Variants in SLC25A22 observed in about 807,000 individuals in gnomAD.
SLC25A22 encodes solute carrier family 25 member 22.
Under a neutral mutation model 33.7 loss-of-function variants are expected in SLC25A22, and 23 were observed. The ratio of observed to expected loss-of-function variants is 0.68; its 90% confidence interval spans 0.49 to 0.97. SLC25A22 has a LOEUF of 0.97. SLC25A22 is among the 50% of genes least tolerant of loss of function. The pLI, the probability that SLC25A22 is intolerant of heterozygous loss-of-function variation, is 0.00. For missense variants in SLC25A22, 390 were observed against 451.1 expected, an observed-to-expected ratio of 0.86 and a Z score of 1.23; for synonymous variants, 245 against 203.8, an observed-to-expected ratio of 1.20 and a Z score of -1.72.
At chr11:795,338 A>T in intron 1 of SLC25A22, 169 bp from the exon 2 acceptor site, 1 of 375,200 alleles carries the variant, frequency 2.7e-6, no homozygotes, top group Non-Finnish European at 4.7e-6. Context: ...TCCCATGCTC[A>T]CCCCTGGGAC....
At chr11:794,964 C>A in intron 2 of SLC25A22, 23 bp downstream of exon 2, 1 of 1,561,780 alleles carries the variant, frequency 6.4e-7, no homozygotes, top group South Asian at 1.2e-5. Flanking sequence ...GGGTGAGGCA[C>A]GCAGCCAGGA....
intron 1 of SLC25A22, chr11:797,511 A>G (rs1315943174): frequency 1.0e-5 from 4 of 397,498 alleles, no homozygotes; most frequent in Non-Finnish European, 1.8e-5. Context: ...CAAGCCAGGG[A>G]GACAGCAGGA....
chr11:797,341 T>G (rs1300577901), intron 1 of SLC25A22, among the ~76,000 whole-genome samples: 1 of 152,154 alleles, frequency 6.6e-6, no homozygotes, highest in Non-Finnish European at 1.5e-5. Flanking sequence ...CGCCTTTCTC[T>G]GCCCTCACTC....
Position 791,571 on chromosome 11 carries a change from A to C in SLC25A22, c.*344T>G. On this transcript the variant is annotated 3_prime_UTR_variant, in exon 10 of 10. Coordinates refer to ENST00000628067, the MANE Select transcript of SLC25A22 (RefSeq NM_001191061.2). Reference sequence around the variant, plus strand: ...AGACTGGAGCTGGTGGACTGGGGGTATGGTCCAGCCTGCCCGGCCCAGGCC... The same window carrying C: ...AGACTGGAGCTGGTGGACTGGGGGTCTGGTCCAGCCTGCCCGGCCCAGGCC... 1.1e-5 allele frequency: 4 copies of C among 360,656 alleles called. No homozygotes were observed. Among genetic ancestry groups the C allele is most frequent in the East Asian group, 6.3e-5 (1 of 15,752 alleles). 22.3% of individuals were successfully genotyped at this position (360,656 alleles called of 1,614,324 possible).
chr11:792,589 G>C lies in SLC25A22; in HGVS notation c.551C>G (p.Ala184Gly), dbSNP rs755147242. The part of the protein sequence containing the change: ...TRDLLRSRGI[A>G]GLYKGLGATL... ...GGCCCCGAGTCCCTTGTAGAGACCG[G>C]CAATGCCACGGCTCCGCAGCAGGTC... The change falls in exon 7 of 10, where the codon GCC (alanine) becomes GGC (glycine). Residue 184 changes from alanine to glycine, a missense_variant. Ala to Gly is a moderately conservative substitution (Grantham distance 60). Coordinates refer to ENST00000628067, the MANE Select transcript of SLC25A22 (RefSeq NM_001191061.2). 1.9e-5 allele frequency: 30 copies of C among 1,611,412 alleles called. No individual in the cohort carries two copies. The African/African-American group carries it at 3.7e-4, about 20-fold the overall frequency.
rs1864475523 is a variant in SLC25A22, at chr11:790,820, T to G, written c.*1095A>C. 1 of 152,488 alleles carries G rather than the reference T, an allele frequency of 6.6e-6. No individual in the cohort carries two copies. The highest frequency in any genetic ancestry group is 2.1e-4 in the South Asian group (1 of 4,836). The allele number at this position is 152,488 out of a possible 1,614,324, so 9.4% of individuals were successfully genotyped here. On this transcript the variant is annotated 3_prime_UTR_variant, in exon 10 of 10. Transcript: ENST00000628067. ...CGCCCGGTGGCAGGGGGGATGGGGC[T>G]TCTGAAGTGTGGTCAGGGGCCTTAT...
chr11:793,022 G>C, intron 5 of SLC25A22, 34 bp from the exon 6 acceptor site: 3 of 1,601,686 alleles, frequency 1.9e-6, no homozygotes, highest in Non-Finnish European at 2.6e-6. Context: ...TAAGTGGGAA[G>C]AGACAGGTCT....
In SLC25A22 at chr11:793,321, G is replaced by T. The variant is rs369063323; in HGVS notation, c.293+208C>A. Among the ~76,000 whole-genome samples, 70 of 152,336 alleles carry T rather than the reference G, an allele frequency of 4.6e-4. No homozygotes were observed. The South Asian group carries it at 0.014, about 30-fold the overall frequency. On this transcript the variant is annotated intron_variant, in intron 5 of 9. Transcript: ENST00000628067. ...GCTGGTCAGTGCCCTCAGGCCAAGG[G>T]CTACCAAGCCAGAGCCCCACTGATT...
intron 4 of SLC25A22, 127 bp from the exon 5 acceptor site, chr11:793,746 AC>A: frequency 1.4e-6 from 1 of 710,250 alleles, no homozygotes; most frequent in Non-Finnish European, 2.5e-6. Flanking sequence ...CTGTTCTCTC[AC>A]CCACATTTGG....
chr11:790,735 T>G lies in SLC25A22; in HGVS notation c.*1180A>C, dbSNP rs1358074074. ...CACAGCACCAGCACATCAGGGTCTG[T>G]CACCAACACGATCACATGGCCAGGG... On this transcript the variant is annotated 3_prime_UTR_variant, in exon 10 of 10. Transcript: ENST00000628067. The G allele has an allele frequency of 6.6e-6, 1 of 152,372 alleles. No individual in the cohort carries two copies. Among genetic ancestry groups the G allele is most frequent in the Non-Finnish European group, 1.5e-5 (1 of 68,126 alleles). The allele number at this position is 152,372 out of a possible 1,614,324, so 9.4% of individuals were successfully genotyped here.
Position 795,177 on chromosome 11 carries a change from G to A in SLC25A22, c.-163-8C>T, listed in dbSNP as rs1025342954. 8 of 812,692 alleles carry A rather than the reference G, an allele frequency of 9.8e-6. No individual in the cohort carries two copies. Among genetic ancestry groups the A allele is most frequent in the East Asian group, 5.3e-5 (2 of 37,690 alleles). 50.3% of individuals were successfully genotyped at this position (812,692 alleles called of 1,614,324 possible). On this transcript the variant is annotated splice_polypyrimidine_tract_variant and splice_region_variant and intron_variant, in intron 1 of 9. Transcript: ENST00000628067. ...GCAACCGCCACTTCTGTCCTAGAAG[G>A]ATGAGGGAATGGGAATGAGTGAGGG...
In SLC25A22 at chr11:791,726, A is replaced by G. The variant is rs1590116714; in HGVS notation, c.*189T>C. On this transcript the variant is annotated 3_prime_UTR_variant, in exon 10 of 10. Transcript: ENST00000628067. Reference sequence around the variant, plus strand: ...CTACATAAATGAGACATTGATCCCAACGGTGCAGGCAGCACCCCGGGGGGC... The same window carrying G: ...CTACATAAATGAGACATTGATCCCAGCGGTGCAGGCAGCACCCCGGGGGGC... The G allele has an allele frequency of 1.6e-5, 11 of 693,470 alleles. No individual in the cohort carries two copies. The East Asian group carries it at 3.0e-4, about 19-fold the overall frequency. 43.0% of individuals were successfully genotyped at this position (693,470 alleles called of 1,614,324 possible).
At chr11:793,101 C>A in intron 5 of SLC25A22, 113 bp from the exon 6 acceptor site, 1 of 1,019,894 alleles carries the variant, frequency 9.8e-7, no homozygotes, top group Non-Finnish European at 1.5e-6. Context: ...GAGGCAGATG[C>A]AGGCCTGTGG....
chr11:793,958 T>C, intron 4 of SLC25A22: 1 of 475,224 alleles, frequency 2.1e-6, no homozygotes, highest in Middle Eastern at 6.0e-4. Flanking sequence ...GTGCTTGTGC[T>C]GGCAGGGGGC....
At position 792,201 on chromosome 11, in the gene SLC25A22, G is replaced by C. The variant is rs1240292703; in HGVS notation, c.759C>G (p.Leu253=). 10 of 1,612,966 alleles carry C rather than the reference G, an allele frequency of 6.2e-6. No individual in the cohort carries two copies. Among genetic ancestry groups the C allele is most frequent in the Non-Finnish European group, 7.6e-6 (9 of 1,179,922 alleles). ...VNPCDVVKTR[L]QSLQRGVNED... ...CGTTGACGCCTCGCTGAAGTGACTG[G>C]AGCCGCGTCTTCACCACTGCAAGGG... The change falls in exon 9 of 10, where the codon CTC becomes CTG. Residue 253 remains leucine (L), a synonymous_variant. Transcript: ENST00000628067.
rs1482543124 is a variant in SLC25A22, at chr11:794,821, G to A, written c.101C>T (p.Thr34Ile). The A allele has an allele frequency of 6.3e-7, 1 of 1,595,698 alleles. No individual in the cohort carries two copies. Among genetic ancestry groups the A allele is most frequent in the Middle Eastern group, 1.8e-4 (1 of 5,538 alleles). The stretch of plus-strand genomic sequence containing the variant: ...GCCGTTCTGCTGGTTCTGCAGCCTG[G>A]TCTTGGCCAGGTCGATGGGAAACAC... ...TCVFPIDLAK[T>I]RLQNQQNGQR... is the part of the protein sequence containing the mutation. Residue 34 changes from threonine (T) to isoleucine (I), a missense_variant, in exon 3 of 10, where the codon ACC becomes ATC. Transcript: ENST00000628067.
intron 1 of SLC25A22, 65 bp from the exon 2 acceptor site, chr11:795,234 C>T: frequency 3.0e-6 from 2 of 659,302 alleles, no homozygotes; most frequent in Non-Finnish European, 5.5e-6. Context: ...CCTCCCCCAG[C>T]CTCCCTCTCT....
In SLC25A22 at chr11:792,404, C is replaced by T; in HGVS notation, c.642G>A (p.Leu214=). The part of the protein sequence containing the change: ...YFPLFANLNQ[L]GRPASEEKSP... ...ACTTCTCCTCGGACGCCGGGCGGCC[C>T]AGCTGGTTCAGGTTGGCAAAGAGCG... Residue 214 remains leucine (L), a synonymous_variant, in exon 8 of 10, where the codon CTG becomes CTA. Transcript: ENST00000628067. 1 of 1,613,440 alleles carries T rather than the reference C, an allele frequency of 6.2e-7. No homozygotes were observed. Among genetic ancestry groups the T allele is most frequent in the Non-Finnish European group, 8.5e-7 (1 of 1,179,966 alleles).
At position 792,622 on chromosome 11, in the gene SLC25A22, A is replaced by G; in HGVS notation, c.518T>C (p.Leu173Pro). The change falls in exon 7 of 10, where the codon CTG becomes CCG. Residue 173 changes from leucine to proline, a missense_variant. Physicochemically the swap from Leu to Pro is moderately conservative, Grantham distance 98. Coordinates refer to ENST00000628067, the MANE Select transcript of SLC25A22 (RefSeq NM_001191061.2). ...PAAPRPTATQ[L>P]TRDLLRSRGI... ...ACGGCTCCGCAGCAGGTCGCGGGTCAGCTGGGTGGCCGTGGGCCGAGGGGC... is the reference window on the plus strand; with the variant it reads ...ACGGCTCCGCAGCAGGTCGCGGGTCGGCTGGGTGGCCGTGGGCCGAGGGGC... 2.5e-6 allele frequency: 4 copies of G among 1,603,340 alleles called. No homozygotes were observed. The highest frequency in any genetic ancestry group is 3.4e-6 in the Non-Finnish European group (4 of 1,176,058).
Sources: allele counts gnomAD v4.1 joint callset (sites outside exome capture counted in the v4.1 genomes callset), GRCh38; gene constraint gnomAD v4.1.1; transcripts MANE v1.5; gene names NCBI Gene and HGNC (gene_info 2026-07-23, HGNC 2026-07-21).